The following TMTC1 variants were observed in gnomAD, a reference collection of about 807,000 sequenced individuals.
TMTC1 encodes transmembrane O-mannosyltransferase targeting cadherins 1.
In TMTC1, 73 loss-of-function variants were observed where a neutral mutation model predicts 104.8. The ratio of observed to expected loss-of-function variants is 0.70; its 90% CI spans 0.58 to 0.85. TMTC1 has a LOEUF of 0.85. Among genes scored for constraint, TMTC1 ranks in the 40% least tolerant of loss-of-function variants. The probability of loss-of-function intolerance (pLI) is 0.00; values close to 1 mark genes in which losing one functional copy is unlikely to be tolerated. For synonymous variants in TMTC1, 434 were observed against 428.7 expected (o/e 1.01, Z -0.15); for missense variants, 1,035 against 1,096.1 (o/e 0.94, Z 0.79).
chr12:29,770,595 C>T lies in TMTC1; in HGVS notation c.303-2520G>A, dbSNP rs1943572940. 1.3e-5 allele frequency among the ~76,000 whole-genome samples: 2 copies of T among 151,968 alleles called. 1 individual carries two copies. The highest frequency in any genetic ancestry group is 4.1e-4 in the South Asian group (2 of 4,830). On this transcript the variant is annotated intron_variant, in intron 1 of 17. Coordinates refer to ENST00000539277, the MANE Select transcript of TMTC1 (RefSeq NM_001193451.2). ...TGTATGAAGTGAATTCAATTAGATC[C>T]CAAAATATAAAATAAATTGCTGAAT...
rs1943272935 is a variant in TMTC1 at position 29,758,698 on chromosome 12, A to G, written c.554+6T>C. The G allele has an allele frequency of 6.2e-7, 1 of 1,613,190 alleles. No homozygotes were observed. Among genetic ancestry groups the G allele is most frequent in the East Asian group, 2.2e-5 (1 of 44,890 alleles). ...CACAGAGAAGGGCATTCTTAGCTAC[A>G]CATACCTGTTGTACGAGAGAAAGGC... On this transcript the variant is annotated splice_donor_region_variant and intron_variant, in intron 3 of 17. Coordinates refer to ENST00000539277, the MANE Select transcript of TMTC1 (RefSeq NM_001193451.2).
intron 8 of TMTC1, among the ~76,000 whole-genome samples, chr12:29,574,801 G>A (rs1592256295): frequency 6.6e-6 from 1 of 152,170 alleles, no homozygotes; most frequent in East Asian, 1.9e-4. Flanking sequence ...TCCAGATACA[G>A]TGAAACTGGA....
intron 6 of TMTC1, among the ~76,000 whole-genome samples, chr12:29,609,402 A>G (rs924756935): frequency 6.6e-6 from 1 of 152,174 alleles, no homozygotes; most frequent in Non-Finnish European, 1.5e-5. Context: ...TTTTGGGTCT[A>G]CTTCCTCTGT....
intron 9 of TMTC1, among the ~76,000 whole-genome samples, chr12:29,565,801 C>A (rs561351943): frequency 6.6e-6 from 1 of 152,248 alleles, no homozygotes; most frequent in African/African-American, 2.4e-5. Flanking sequence ...GAGTGGAGAT[C>A]GCACCACCGC....
In TMTC1 at chr12:29,518,479, A is replaced by G; in HGVS notation, c.2017T>C (p.Tyr673His). Residue 673 changes from tyrosine (Y) to histidine (H), a missense_variant, in exon 13 of 18, where the codon TAC (tyrosine) becomes CAC (histidine). Coordinates refer to ENST00000539277, the MANE Select transcript of TMTC1 (RefSeq NM_001193451.2). Reference sequence around the variant, plus strand: ...AAAGAAAGGGAACTTTACCGCTTGTACCATTCTTCAGCCATGCTGTTCTCT... The same window carrying G: ...AAAGAAAGGGAACTTTACCGCTTGTGCCATTCTTCAGCCATGCTGTTCTCT... ...LGENSMAEEW[Y>H]KRALQVAHKA... 6.2e-7 allele frequency: 1 copy of G among 1,613,348 alleles called. No homozygotes were observed. Among genetic ancestry groups the G allele is most frequent in the Non-Finnish European group, 8.5e-7 (1 of 1,179,464 alleles).
intron 7 of TMTC1, among the ~76,000 whole-genome samples, chr12:29,590,707 C>T (rs1002519800): frequency 1.3e-5 from 2 of 152,196 alleles, no homozygotes; most frequent in African/African-American, 4.8e-5. Context: ...ATTGCTTGAA[C>T]CCAAGAGGCA....
At chr12:29,514,347 T>TA (rs900363771) in intron 16 of TMTC1, 135 bp downstream of exon 16, 135 of 864,358 alleles carry the variant, frequency 1.6e-4, no homozygotes, top group Middle Eastern at 1.2e-3. Context: ...GTCAATTAGT[T>TA]AAAAAAAACT....
At chr12:29,552,552 G>A (rs1167999025) in intron 10 of TMTC1, among the ~76,000 whole-genome samples, 1 of 152,182 alleles carries the variant, frequency 6.6e-6, no homozygotes, top group Non-Finnish European at 1.5e-5. Flanking sequence ...GAGTGCGGTG[G>A]TTAGGGGCAG....
intron 12 of TMTC1, 75 bp from the exon 13 acceptor site, chr12:29,518,682 T>C (rs1944060266): frequency 1.3e-6 from 2 of 1,528,996 alleles, no homozygotes; most frequent in Admixed American, 1.9e-5. Flanking sequence ...CTTTCTCTTC[T>C]GACTTATAAT....
chr12:29,755,089 A>G (rs916141187), intron 4 of TMTC1, among the ~76,000 whole-genome samples: 46 of 152,202 alleles, frequency 3.0e-4, no homozygotes, highest in African/African-American at 1.1e-3. Context: ...AACTTTTAAT[A>G]TGCCTTAGTG....
intron 8 of TMTC1, among the ~76,000 whole-genome samples, chr12:29,582,893 G>A (rs1402914051): frequency 2.0e-5 from 3 of 152,186 alleles, no homozygotes; most frequent in Admixed American, 6.5e-5. Context: ...CCAGGGCTGC[G>A]GCATTTAGTG....
At chr12:29,740,909 C>G (rs1203044764) in intron 5 of TMTC1, among the ~76,000 whole-genome samples, 1 of 152,164 alleles carries the variant, frequency 6.6e-6, no homozygotes, top group East Asian at 1.9e-4. Flanking sequence ...AAACCGTGTT[C>G]AACACATGTC....
intron 5 of TMTC1, among the ~76,000 whole-genome samples, chr12:29,643,525 TAA>T (rs1938984542): frequency 1.4e-5 from 1 of 69,386 alleles, no homozygotes; most frequent in East Asian, 3.3e-4. Flanking sequence ...TAATATAATA[TAA>T]AATATATAAT....
chr12:29,674,034 C>T (rs1340962896), intron 5 of TMTC1, among the ~76,000 whole-genome samples: 2 of 151,846 alleles, frequency 1.3e-5, no homozygotes. Context: ...GCTGGGATTA[C>T]AGGTGTGAGC....
At chr12:29,772,250 A>G (rs1352283272) in intron 1 of TMTC1, among the ~76,000 whole-genome samples, 1 of 152,212 alleles carries the variant, frequency 6.6e-6, no homozygotes, top group Non-Finnish European at 1.5e-5. Flanking sequence ...CTGCATGGAA[A>G]TATCTGTGTG....
At chr12:29,673,156 G>C (rs1940581086) in intron 5 of TMTC1, among the ~76,000 whole-genome samples, 1 of 152,170 alleles carries the variant, frequency 6.6e-6, no homozygotes, top group African/African-American at 2.4e-5. Flanking sequence ...ATTGAGGGGA[G>C]ATACATTATA....
At chr12:29,545,629 T>TCACTCA (rs1555167548) in intron 10 of TMTC1, among the ~76,000 whole-genome samples, 47 of 73,576 alleles carry the variant, frequency 6.4e-4, no homozygotes, top group East Asian at 2.4e-3. Flanking sequence ...CAAGACTCTG[T>TCACTCA]CACACACACA....
At chr12:29,732,408 A>T in intron 5 of TMTC1, among the ~76,000 whole-genome samples, 1 of 152,228 alleles carries the variant, frequency 6.6e-6, no homozygotes, top group East Asian at 1.9e-4. Context: ...CCCTTCCAGT[A>T]GGAAAGTATT....
At chr12:29,730,033 C>T (rs1473283716) in intron 5 of TMTC1, among the ~76,000 whole-genome samples, 9 of 152,082 alleles carry the variant, frequency 5.9e-5, no homozygotes, top group African/African-American at 4.8e-5. Flanking sequence ...GACATGCCAA[C>T]GAGAACAAGG....
Sources: gnomAD v4.1 joint callset for allele counts (sites outside exome capture counted in the v4.1 genomes callset) on GRCh38, gnomAD v4.1.1 for gene constraint, MANE v1.5 for transcripts, NCBI Gene and HGNC (gene_info 2026-07-23, HGNC 2026-07-21) for gene names.